MYOZ2: variants seen among roughly 807,000 people sequenced by gnomAD.
The protein encoded by MYOZ2 is myozenin-2.
MYOZ2 carries 19 observed loss-of-function variants against 25.4 expected under a neutral mutation model. The ratio of observed to expected loss-of-function variants is 0.75; its 90% CI spans 0.52 to 1.10. The LOEUF (loss-of-function observed/expected upper bound fraction) is 1.10. Ranked by LOEUF, MYOZ2 falls within the 50% of genes least tolerant of loss-of-function variation. The pLI is 0.00. For missense variants in MYOZ2, 270 were observed against 317.9 expected (o/e 0.85, Z 1.15); for synonymous variants, 92 against 106.9 (o/e 0.86, Z 0.86).
rs1741203812 is a variant in MYOZ2, at chr4:119,142,996, A to G, written c.76+6395A>G. 2.0e-5 allele frequency among the ~76,000 whole-genome samples: 3 copies of G among 152,248 alleles called. No homozygotes were observed. In the South Asian group the frequency reaches 6.2e-4, roughly 32 times the overall value. On this transcript the variant is annotated intron_variant, in intron 2 of 5. Coordinates refer to ENST00000307128, the MANE Select transcript of MYOZ2 (RefSeq NM_016599.5). ...ATGGTTCCAGAGGCCAGGGAGTCCA[A>G]TATTAAGGTGCCAGCATCAAGGGAG... is the stretch of plus-strand genomic sequence containing the variant.
Position 119,186,601 on chromosome 4 carries a change from G to T in MYOZ2, c.*401G>T, listed in dbSNP as rs185027625. 791 of 197,574 alleles carry T rather than the reference G, an allele frequency of 4.0e-3. 5 individuals carry two copies. Among genetic ancestry groups the T allele is most frequent in the Non-Finnish European group, 6.0e-3 (581 of 96,784 alleles). 12.2% of individuals were successfully genotyped at this position (197,574 alleles called of 1,614,324 possible). A position where few individuals can be genotyped will look rare whatever the true frequency, so the allele number is the denominator to read the frequency against. ...AAGACCTATTCAGAGTTTCATCTGGGGATGAAAGCTATGGAAGATGATGTA... is the reference window on the plus strand; with the variant it reads ...AAGACCTATTCAGAGTTTCATCTGGTGATGAAAGCTATGGAAGATGATGTA... On this transcript the variant is annotated 3_prime_UTR_variant, in exon 6 of 6. Coordinates refer to ENST00000307128, the MANE Select transcript of MYOZ2 (RefSeq NM_016599.5).
chr4:119,137,543 A>G (rs956793326), intron 2 of MYOZ2, among the ~76,000 whole-genome samples: 1 of 152,108 alleles, frequency 6.6e-6, no homozygotes, highest in African/African-American at 2.4e-5. Context: ...ATTGAGCATA[A>G]TGTTTTCATA....
At chr4:119,168,627 A>G (rs2389744) in intron 5 of MYOZ2, among the ~76,000 whole-genome samples, 145,507 of 152,154 alleles carry the variant, frequency 0.96, 69,609 homozygotes, top group East Asian at 0.99. Flanking sequence ...AACTAAAGCT[A>G]GAAGTGGAGT....
Position 119,158,047 on chromosome 4 carries a change from A to G in MYOZ2, c.272A>G (p.Lys91Arg). The change falls in exon 4 of 6, where the codon AAA becomes AGA. Residue 91 changes from lysine to arginine, a missense_variant. Physicochemically the swap from Lys to Arg is conservative, Grantham distance 26. Transcript: ENST00000307128. The part of the protein sequence containing the change: ...INHSIAMQNG[K>R]VDGSNLEGGS... The stretch of plus-strand genomic sequence containing the variant: ...CACAGTATTGCTATGCAGAATGGGA[A>G]AGTGGATGGAAGTAACTTGGAAGGT... 3 of 1,614,056 alleles carry G rather than the reference A, an allele frequency of 1.9e-6. No individual in the cohort carries two copies. The highest frequency in any genetic ancestry group is 2.5e-6 in the Non-Finnish European group (3 of 1,179,962).
At chr4:119,144,974 T>C (rs1741253144) in intron 2 of MYOZ2, among the ~76,000 whole-genome samples, 2 of 152,192 alleles carry the variant, frequency 1.3e-5, no homozygotes, top group Non-Finnish European at 2.9e-5. Context: ...AATTATTCCT[T>C]TTATGGATCA....
intron 3 of MYOZ2, among the ~76,000 whole-genome samples, chr4:119,157,686 A>G (rs1245265437): frequency 6.6e-6 from 1 of 152,214 alleles, no homozygotes; most frequent in African/African-American, 2.4e-5. Flanking sequence ...CAAAAATTAA[A>G]TACATTTATC....
At chr4:119,142,767 A>G (rs551547716) in intron 2 of MYOZ2, among the ~76,000 whole-genome samples, 11 of 152,344 alleles carry the variant, frequency 7.2e-5, no homozygotes, top group Non-Finnish European at 1.6e-4. Flanking sequence ...TTAGAGTTTT[A>G]GACTTGCAGG....
intron 5 of MYOZ2, among the ~76,000 whole-genome samples, chr4:119,183,672 T>G (rs553244037): frequency 5.8e-4 from 89 of 152,328 alleles, no homozygotes; most frequent in African/African-American, 2.1e-3. Context: ...TTAATCCAAT[T>G]TATCAGCAAA....
chr4:119,175,763 A>G (rs898233250), intron 5 of MYOZ2, among the ~76,000 whole-genome samples: 1 of 151,954 alleles, frequency 6.6e-6, no homozygotes, highest in African/African-American at 2.4e-5. Context: ...AAAAAAAAAA[A>G]AAAATTTTGA....
intron 4 of MYOZ2, 133 bp downstream of exon 4, chr4:119,158,284 A>G (rs1741629380): frequency 8.0e-7 from 1 of 1,254,016 alleles, no homozygotes; most frequent in Non-Finnish European, 1.1e-6. Flanking sequence ...TTTGGGCCCC[A>G]GGCACGGTGG....
chr4:119,147,755 A>AAATAAAT lies in MYOZ2; in HGVS notation c.77-3114_77-3113insAAATAAT, dbSNP rs1553957920. ...TAAGACTCTGTCTCAAAAAAAAAAA[A>AAATAAAT]AATCTACTTTGATGTCTTTTTATCC... is the stretch of plus-strand genomic sequence containing the variant. On this transcript the variant is annotated intron_variant, in intron 2 of 5. Transcript: ENST00000307128. 1.2e-3 allele frequency among the ~76,000 whole-genome samples: 185 copies of AAATAAAT among 150,610 alleles called. 1 individual carries two copies. In the East Asian group the frequency reaches 0.02, roughly 16 times the overall value.
chr4:119,158,952 A>G (rs1741646985), intron 4 of MYOZ2, among the ~76,000 whole-genome samples: 1 of 152,228 alleles, frequency 6.6e-6, no homozygotes, highest in Non-Finnish European at 1.5e-5. Context: ...AATAACTAAA[A>G]GAGTATAACT....
intron 2 of MYOZ2, among the ~76,000 whole-genome samples, chr4:119,143,621 A>G (rs1359873814): frequency 2.0e-5 from 3 of 152,234 alleles, no homozygotes; most frequent in Non-Finnish European, 4.4e-5. Flanking sequence ...TCACAAATGC[A>G]GTGTCGTATA....
intron 2 of MYOZ2, among the ~76,000 whole-genome samples, chr4:119,144,916 G>C (rs1741252233): frequency 6.6e-6 from 1 of 152,108 alleles, no homozygotes; most frequent in African/African-American, 2.4e-5. Context: ...TCTTAGTAGG[G>C]TCTGTCTCAG....
intron 5 of MYOZ2, among the ~76,000 whole-genome samples, chr4:119,173,520 A>T (rs1221486342): frequency 6.6e-6 from 1 of 152,252 alleles, no homozygotes; most frequent in African/African-American, 2.4e-5. Context: ...AAATTCAAAC[A>T]AACAGGATGT....
At chr4:119,158,784 C>G (rs993610274) in intron 4 of MYOZ2, among the ~76,000 whole-genome samples, 1 of 152,038 alleles carries the variant, frequency 6.6e-6, no homozygotes, top group Non-Finnish European at 1.5e-5. Context: ...TCTTTAATTT[C>G]GCAGTAACTC....
In MYOZ2 at chr4:119,180,963, C is replaced by A. The variant is rs1444144487; in HGVS notation, c.561-5003C>A. Among the ~76,000 whole-genome samples the A allele has an allele frequency of 2.6e-5, 4 of 152,156 alleles. No homozygotes were observed. The East Asian group carries it at 7.7e-4, about 29-fold the overall frequency. The stretch of plus-strand genomic sequence containing the variant: ...ATCTGGAATATGTCTTCAAGTAATT[C>A]TCTTAGGAAGGGAACACCAATATAA... On this transcript the variant is annotated intron_variant, in intron 5 of 5. Transcript: ENST00000307128.
At chr4:119,161,438 C>T (rs1302877191) in intron 4 of MYOZ2, among the ~76,000 whole-genome samples, 2 of 151,824 alleles carry the variant, frequency 1.3e-5, no homozygotes, top group African/African-American at 2.4e-5. Flanking sequence ...TTTTTTCATA[C>T]ATGAATAAAT....
At chr4:119,179,518 A>G (rs1305390178) in intron 5 of MYOZ2, among the ~76,000 whole-genome samples, 2 of 151,962 alleles carry the variant, frequency 1.3e-5, no homozygotes, top group African/African-American at 2.4e-5. Context: ...ATTACCTTAT[A>G]ATATTATGAA....
Sources: allele counts gnomAD v4.1 joint callset (sites outside exome capture counted in the v4.1 genomes callset), GRCh38; gene constraint gnomAD v4.1.1; transcripts MANE v1.5; gene names NCBI Gene and HGNC (gene_info 2026-07-23, HGNC 2026-07-21).